RASGEF1C: variants seen among roughly 807,000 people sequenced by gnomAD.
RASGEF1C encodes the protein RasGEF domain family member 1C.
A neutral mutation model predicts 58.1 loss-of-function variants in RASGEF1C; 27 were observed. The ratio of observed to expected loss-of-function variants is 0.46; its 90% confidence interval spans 0.34 to 0.64. The LOEUF is 0.64. Among genes scored for constraint, RASGEF1C ranks in the 30% least tolerant of loss-of-function variants. RASGEF1C has a pLI of 0.01. For missense variants in RASGEF1C, 502 were observed against 605.1 expected, an observed-to-expected ratio of 0.83 and a Z score of 1.79; for synonymous variants, 243 against 246.3, an observed-to-expected ratio of 0.99 and a Z score of 0.13.
chr5:180,184,120 C>T (rs1755983729), intron 1 of RASGEF1C, among the ~76,000 whole-genome samples: 1 of 151,740 alleles, frequency 6.6e-6, no homozygotes, highest in Non-Finnish European at 1.5e-5. Context: ...GCAGAGATTG[C>T]ACCACTGCAC....
chr5:180,152,783 C>T (rs1040157201), intron 1 of RASGEF1C, among the ~76,000 whole-genome samples: 17 of 151,638 alleles, frequency 1.1e-4, no homozygotes, highest in Middle Eastern at 3.4e-3. Context: ...GTGGTGGCAG[C>T]GCCTGTAATC....
intron 4 of RASGEF1C, among the ~76,000 whole-genome samples, chr5:180,133,516 C>T (rs1582273280): frequency 6.6e-6 from 1 of 152,332 alleles, no homozygotes; most frequent in South Asian, 2.1e-4. Context: ...TGCCCAAAGA[C>T]ACACAGCTCT....
At chr5:180,195,678 C>T (rs907996888) in intron 1 of RASGEF1C, among the ~76,000 whole-genome samples, 8 of 151,918 alleles carry the variant, frequency 5.3e-5, no homozygotes, top group Middle Eastern at 3.4e-3. Flanking sequence ...AGGAGAATGG[C>T]GTGAACCCGG....
Position 180,128,550 on chromosome 5 carries a change from G to T in RASGEF1C, c.499C>A (p.Arg167Ser), listed in dbSNP as rs746500430. 94 of 1,613,948 alleles carry T rather than the reference G, an allele frequency of 5.8e-5. No individual in the cohort carries two copies. Among genetic ancestry groups the T allele is most frequent in the Non-Finnish European group, 7.8e-5 (92 of 1,180,020 alleles). ...CCCACCAGACCTTCTGGCCCCTGGC[G>T]CAGAGCCGCCAGCTTCTGGTGCAGA... ...QALHQKLAAL[R>S]QGPEGLVGAD... Residue 167 changes from arginine to serine, a missense_variant, in exon 5 of 14, where the codon CGC becomes AGC. Arg to Ser is a moderately radical substitution (Grantham distance 110). Coordinates refer to ENST00000361132, the MANE Select transcript of RASGEF1C (RefSeq NM_175062.4).
At chr5:180,203,866 G>A (rs1368918859) in intron 1 of RASGEF1C, among the ~76,000 whole-genome samples, 2 of 152,122 alleles carry the variant, frequency 1.3e-5, no homozygotes, top group African/African-American at 4.8e-5. Context: ...GGTGGTGCAC[G>A]CCTGTAATCC....
chr5:180,133,641 C>A (rs534117607), intron 4 of RASGEF1C, among the ~76,000 whole-genome samples: 36 of 152,328 alleles, frequency 2.4e-4, no homozygotes, highest in African/African-American at 8.2e-4. Context: ...ATTTTGGAAG[C>A]AAAGCCTATG....
intron 1 of RASGEF1C, among the ~76,000 whole-genome samples, chr5:180,176,086 G>A (rs1380611293): frequency 1.3e-5 from 2 of 152,248 alleles, no homozygotes; most frequent in Non-Finnish European, 2.9e-5. Flanking sequence ...ACCCAAAGAG[G>A]CCACATCGCT....
intron 1 of RASGEF1C, among the ~76,000 whole-genome samples, chr5:180,194,210 C>G (rs550545563): frequency 7.4e-4 from 112 of 152,300 alleles, no homozygotes; most frequent in South Asian, 3.5e-3. Context: ...CCTCTCTCTC[C>G]TCATTAAGGT....
At chr5:180,170,543 C>A (rs1039786432) in intron 1 of RASGEF1C, among the ~76,000 whole-genome samples, 7 of 152,120 alleles carry the variant, frequency 4.6e-5, no homozygotes, top group African/African-American at 1.4e-4. Flanking sequence ...GCTGCCTGGT[C>A]CTCGCCTGTC....
intron 1 of RASGEF1C, among the ~76,000 whole-genome samples, chr5:180,153,295 C>T (rs1473886224): frequency 1.3e-5 from 2 of 152,098 alleles, no homozygotes; most frequent in African/African-American, 4.8e-5. Flanking sequence ...TCTTTATGGC[C>T]CACCCTGGCT....
At chr5:180,150,931 CAGAG>C (rs1766736061) in intron 1 of RASGEF1C, among the ~76,000 whole-genome samples, 3 of 151,328 alleles carry the variant, frequency 2.0e-5, no homozygotes, top group Admixed American at 2.0e-4. Context: ...AACAGACAAA[CAGAG>C]AGCCAAATCA....
rs992160421 is a variant in RASGEF1C at position 180,111,515 on chromosome 5, G to A, written c.1245C>T (p.Phe415=). Residue 415 remains phenylalanine, a synonymous_variant, in exon 12 of 14, where the codon TTC becomes TTT. Transcript: ENST00000361132. The part of the protein sequence containing the change: ...FITWKQVECP[F]EQDASITHYL... ...AGTGGGTGATGCTGGCGTCTTGCTC[G>A]AAGGGACACTCCACTTGTTTCCAGG... 42 of 1,614,098 alleles carry A rather than the reference G, an allele frequency of 2.6e-5. No individual in the cohort carries two copies. Among genetic ancestry groups the A allele is most frequent in the Non-Finnish European group, 3.5e-5 (41 of 1,180,034 alleles).
intron 6 of RASGEF1C, among the ~76,000 whole-genome samples, chr5:180,126,333 G>A (rs772263693): frequency 2.0e-5 from 3 of 152,144 alleles, no homozygotes; most frequent in South Asian, 2.1e-4. Context: ...TGTGAACCCG[G>A]GAGGCGGAGC....
intron 1 of RASGEF1C, among the ~76,000 whole-genome samples, chr5:180,190,474 A>T (rs1343315194): frequency 8.0e-6 from 1 of 124,306 alleles, no homozygotes; most frequent in Non-Finnish European, 1.7e-5. Context: ...TGGGTGACAG[A>T]GTGAGACTCC....
intron 1 of RASGEF1C, among the ~76,000 whole-genome samples, chr5:180,187,089 A>G (rs976865528): frequency 3.3e-5 from 5 of 152,258 alleles, no homozygotes; most frequent in African/African-American, 7.2e-5. Context: ...TTCAAAACTT[A>G]CTACAAAGCT....
intron 6 of RASGEF1C, among the ~76,000 whole-genome samples, chr5:180,125,911 C>T (rs752163265): frequency 6.6e-6 from 1 of 152,098 alleles, no homozygotes; most frequent in Non-Finnish European, 1.5e-5. Flanking sequence ...CTTTTGAGAA[C>T]GGACACCCTA....
chr5:180,169,636 T>TC (rs199637463), intron 1 of RASGEF1C, among the ~76,000 whole-genome samples: 9,548 of 150,172 alleles, frequency 0.064, 741 homozygotes, highest in African/African-American at 0.18. Flanking sequence ...GCCTCAGTTT[T>TC]CCCTATGCAC....
chr5:180,118,356 C>G (rs964512820), intron 10 of RASGEF1C, among the ~76,000 whole-genome samples: 1 of 152,172 alleles, frequency 6.6e-6, no homozygotes, highest in Admixed American at 6.5e-5. Flanking sequence ...GTGTGGCCCC[C>G]CAAGAAAGGA....
intron 1 of RASGEF1C, among the ~76,000 whole-genome samples, chr5:180,153,371 G>A (rs1411644313): frequency 1.3e-5 from 2 of 152,208 alleles, no homozygotes; most frequent in African/African-American, 4.8e-5. Flanking sequence ...TTGGGGGTGG[G>A]GGATAGCTAG....
Sources: allele counts gnomAD v4.1 joint callset (sites outside exome capture counted in the v4.1 genomes callset), GRCh38; gene constraint gnomAD v4.1.1; transcripts MANE v1.5; gene names NCBI Gene and HGNC (gene_info 2026-07-23, HGNC 2026-07-21).